The following MMP20 variants were observed in gnomAD, a reference collection of about 807,000 sequenced individuals.
The protein encoded by MMP20 is matrix metallopeptidase 20.
In MMP20, 50 loss-of-function variants were observed where a neutral mutation model predicts 51.8. The observed-to-expected ratio is 0.97, with a 90% confidence interval of 0.77 to 1.22. The LOEUF (loss-of-function observed/expected upper bound fraction) is 1.22. Among genes scored for constraint, MMP20 ranks in the 50% most tolerant of loss-of-function variants. The probability of loss-of-function intolerance (pLI) is 0.00; values close to 1 mark genes in which losing one functional copy is unlikely to be tolerated. For missense variants in MMP20, 663 were observed against 601.4 expected, an observed-to-expected ratio of 1.10 and a Z score of -1.07; for synonymous variants, 244 against 216.2, an observed-to-expected ratio of 1.13 and a Z score of -1.13.
chr11:102,604,320 C>T (rs969045599), intron 6 of MMP20, among the ~76,000 whole-genome samples: 3 of 152,130 alleles, frequency 2.0e-5, no homozygotes, highest in African/African-American at 7.2e-5. Context: ...CGGGTCATTG[C>T]TTACCAATTC....
At chr11:102,624,657 A>G (rs1859796577) in intron 1 of MMP20, among the ~76,000 whole-genome samples, 1 of 152,110 alleles carries the variant, frequency 6.6e-6, no homozygotes. Context: ...AATATGCTTT[A>G]GGGAGAAAAG....
intron 7 of MMP20, 42 bp from the exon 8 acceptor site, chr11:102,593,637 T>A: frequency 6.2e-7 from 1 of 1,602,230 alleles, no homozygotes; most frequent in Non-Finnish European, 8.5e-7. Flanking sequence ...CTGCACCACT[T>A]GGTGATGCAC....
At chr11:102,607,243 C>T (rs1017109515) in intron 5 of MMP20, 1 of 167,568 alleles carries the variant, frequency 6.0e-6, no homozygotes, top group African/African-American at 2.4e-5. Flanking sequence ...AACTGAAGTA[C>T]ACTGAAGGTG....
intron 1 of MMP20, among the ~76,000 whole-genome samples, chr11:102,624,401 CATATATATATATATATATATATAT>C (rs58212685): frequency 0.013 from 1,844 of 140,216 alleles, 59 homozygotes; most frequent in Admixed American, 0.066. Context: ...CGCTTGGAAG[CATATATATATATATATATATATAT>C]ATATATATAT....
At chr11:102,605,474 T>C (rs968523485) in intron 6 of MMP20, 2 of 151,544 alleles carry the variant, frequency 1.3e-5, no homozygotes, top group African/African-American at 4.9e-5. Context: ...CAACAATATA[T>C]CCCCAAAAGC....
intron 8 of MMP20, among the ~76,000 whole-genome samples, chr11:102,580,352 T>G (rs1470605298): frequency 6.6e-6 from 1 of 152,186 alleles, no homozygotes; most frequent in African/African-American, 2.4e-5. Flanking sequence ...GACACCCCAC[T>G]CCTTTCCCAC....
chr11:102,580,193 T>C (rs1859177026), intron 8 of MMP20, among the ~76,000 whole-genome samples: 1 of 152,260 alleles, frequency 6.6e-6, no homozygotes, highest in Non-Finnish European at 1.5e-5. Flanking sequence ...TTGATTAATA[T>C]ATCTCTTTGT....
At chr11:102,580,700 C>A (rs1374134090) in intron 8 of MMP20, among the ~76,000 whole-genome samples, 1 of 152,140 alleles carries the variant, frequency 6.6e-6, no homozygotes, top group Admixed American at 6.5e-5. Flanking sequence ...CACGAGGTTA[C>A]CTACTTTTCA....
intron 1 of MMP20, 112 bp downstream of exon 1, chr11:102,625,082 A>G (rs1859803277): frequency 2.1e-6 from 3 of 1,399,794 alleles, no homozygotes; most frequent in Non-Finnish European, 3.0e-6. Context: ...CAATGGACTT[A>G]TATAAAATGA....
intron 6 of MMP20, among the ~76,000 whole-genome samples, chr11:102,604,025 T>A (rs1169714106): frequency 2.0e-5 from 3 of 152,158 alleles, no homozygotes; most frequent in Admixed American, 6.6e-5. Context: ...GAGGTGTTTT[T>A]TTTTTTTGCT....
At chr11:102,590,094 T>C (rs1195763874) in intron 8 of MMP20, among the ~76,000 whole-genome samples, 1 of 152,142 alleles carries the variant, frequency 6.6e-6, no homozygotes, top group Non-Finnish European at 1.5e-5. Flanking sequence ...ATTGACTATC[T>C]TGAAGAATTA....
At chr11:102,605,033 C>T (rs1423421120) in intron 6 of MMP20, among the ~76,000 whole-genome samples, 1 of 152,170 alleles carries the variant, frequency 6.6e-6, no homozygotes, top group Non-Finnish European at 1.5e-5. Flanking sequence ...ATGGTATTAC[C>T]TTCAAGAAGT....
chr11:102,581,149 T>TAC lies in MMP20; in HGVS notation c.1248-2009_1248-2008dup, dbSNP rs913932718. Among the ~76,000 whole-genome samples, 11 of 148,868 alleles carry TAC rather than the reference T, an allele frequency of 7.4e-5. No individual in the cohort carries two copies. The South Asian group carries it at 1.7e-3, about 23-fold the overall frequency. ...TTGGTCATGAGGGTAAGAGACAATT[T>TAC]ACACACACACACATGCACACGCACA... On this transcript the variant is annotated intron_variant, in intron 8 of 9. Transcript: ENST00000260228.
chr11:102,600,977 C>T (rs1859438524), intron 6 of MMP20, among the ~76,000 whole-genome samples: 1 of 152,092 alleles, frequency 6.6e-6, no homozygotes, highest in Non-Finnish European at 1.5e-5. Context: ...TGGGATTTCA[C>T]CACAGGGGTT....
chr11:102,622,537 C>T (rs1365642110), intron 1 of MMP20, among the ~76,000 whole-genome samples: 4 of 152,134 alleles, frequency 2.6e-5, no homozygotes, highest in South Asian at 2.1e-4. Flanking sequence ...TCACTTCCTC[C>T]GAGAGGACTT....
chr11:102,615,208 ATTT>A (rs1263418785), intron 2 of MMP20, among the ~76,000 whole-genome samples: 3 of 140,330 alleles, frequency 2.1e-5, no homozygotes, highest in Non-Finnish European at 4.6e-5. Flanking sequence ...AATAAATAGT[ATTT>A]TATTTATTAC....
At chr11:102,577,513 G>A (rs906395717) in intron 9 of MMP20, 87 bp from the exon 10 acceptor site, 1 of 961,950 alleles carries the variant, frequency 1.0e-6, no homozygotes, top group African/African-American at 1.6e-5. Flanking sequence ...CTTTCTTAAA[G>A]TGTCACCAAA....
chr11:102,616,894 G>A lies in MMP20; in HGVS notation c.292C>T (p.Pro98Ser). 6.2e-7 allele frequency: 1 copy of A among 1,614,208 alleles called. No homozygotes were observed. Among genetic ancestry groups the A allele is most frequent in the South Asian group, 1.1e-5 (1 of 91,086 alleles). ...GCCACATCAGGAACTCCACAGCGAGGCTTCTTGATCACGTTCATTGTGGTC... is the reference window on the plus strand; with the variant it reads ...GCCACATCAGGAACTCCACAGCGAGACTTCTTGATCACGTTCATTGTGGTC... ...DQTTMNVIKK[P>S]RCGVPDVANY... Residue 98 changes from proline (P) to serine (S), a missense_variant, in exon 2 of 10, where the codon CCT becomes TCT. Coordinates refer to ENST00000260228, the MANE Select transcript of MMP20 (RefSeq NM_004771.4).
In MMP20 at chr11:102,577,184, G is replaced by A. The variant is rs1591605921; in HGVS notation, c.*142C>T. 1.5e-6 allele frequency: 1 copy of A among 658,582 alleles called. No individual in the cohort carries two copies. The highest frequency in any genetic ancestry group is 1.7e-5 in the South Asian group (1 of 57,522). 40.8% of individuals were successfully genotyped at this position (658,582 alleles called of 1,614,324 possible). A position where few individuals can be genotyped will look rare whatever the true frequency, so the allele number is the denominator to read the frequency against. On this transcript the variant is annotated 3_prime_UTR_variant, in exon 10 of 10. Coordinates refer to ENST00000260228, the MANE Select transcript of MMP20 (RefSeq NM_004771.4). ...TATACAACTATGAAAAAAATTGGAA[G>A]TATTATTATTCTCAGTGAATTCTAA...
Sources: gnomAD v4.1 joint callset for allele counts (sites outside exome capture counted in the v4.1 genomes callset) on GRCh38, gnomAD v4.1.1 for gene constraint, MANE v1.5 for transcripts, NCBI Gene and HGNC (gene_info 2026-07-23, HGNC 2026-07-21) for gene names.